The following ZNF471 variants were observed in gnomAD, a reference collection of about 807,000 sequenced individuals.
The protein encoded by ZNF471 is EZFIT-related protein 1.
ZNF471 carries 7 observed loss-of-function variants against 13.7 expected under a neutral mutation model. The observed-to-expected ratio is 0.51, with a 90% CI of 0.29 to 0.96. The LOEUF is 0.96. ZNF471 is among the 40% of genes least tolerant of loss of function. The pLI, the probability that ZNF471 is intolerant of heterozygous loss-of-function variation, is 0.08. For missense variants in ZNF471, 663 were observed against 743.3 expected, an observed-to-expected ratio of 0.89 and a Z score of 1.26; for synonymous variants, 218 against 235.6, an observed-to-expected ratio of 0.93 and a Z score of 0.68.
chr19:56,512,161 TACAA>T (rs1453792505), intron 2 of ZNF471, among the ~76,000 whole-genome samples: 3 of 146,218 alleles, frequency 2.1e-5, no homozygotes, highest in East Asian at 3.9e-4. Context: ...GTACAAAATT[TACAA>T]ACAAATTTCA....
chr19:56,518,544 A>T lies in ZNF471; in HGVS notation c.223A>T (p.Met75Leu). The T allele has an allele frequency of 6.2e-7, 1 of 1,613,718 alleles. No individual in the cohort carries two copies. Among genetic ancestry groups the T allele is most frequent in the Non-Finnish European group, 8.5e-7 (1 of 1,179,862 alleles). The change falls in exon 4 of 5, where the codon ATG (methionine) becomes TTG (leucine). Residue 75 changes from methionine to leucine, a missense_variant. Coordinates refer to ENST00000308031, the MANE Select transcript of ZNF471 (RefSeq NM_020813.4). ...LLEQGREPWE[M>L]TSEMTRSPFS... ...GGAGCAAGGGAGAGAGCCTTGGGAG[A>T]TGACGAGTGAGATGACAAGAAGCCC...
Position 56,524,720 on chromosome 19 carries a change from G to A in ZNF471, c.653G>A (p.Ser218Asn). 6.3e-7 allele frequency: 1 copy of A among 1,598,224 alleles called. No individual in the cohort carries two copies. Among genetic ancestry groups the A allele is most frequent in the Non-Finnish European group, 8.5e-7 (1 of 1,174,828 alleles). Reference sequence around the variant, plus strand: ...GAATGTGACAAAACCTTCACCCATAGCTCATCCCTTACTGTTCATTTTAGA... The same window carrying A: ...GAATGTGACAAAACCTTCACCCATAACTCATCCCTTACTGTTCATTTTAGA... ...CNECDKTFTHSSSLTVHFRIH... is the reference protein window; with the variant it reads ...CNECDKTFTHNSSLTVHFRIH... Residue 218 changes from serine to asparagine, a missense_variant, in exon 5 of 5, where the codon AGC becomes AAC. Physicochemically the swap from Ser to Asn is conservative, Grantham distance 46 (BLOSUM62 1). Coordinates refer to ENST00000308031, the MANE Select transcript of ZNF471 (RefSeq NM_020813.4). This position sits in a 1 kb window ranked among gnomAD's most constrained non-coding sequence, Gnocchi z 4.8.
At position 56,528,604 on chromosome 19, in the gene ZNF471, T is replaced by C. The variant is rs2147935050; in HGVS notation, c.*2656T>C. The C allele has an allele frequency of 6.6e-6, 1 of 152,332 alleles. No individual in the cohort carries two copies. Among genetic ancestry groups the C allele is most frequent in the Non-Finnish European group, 1.5e-5 (1 of 68,030 alleles). 9.4% of individuals were successfully genotyped at this position (152,332 alleles called of 1,614,324 possible). A position where few individuals can be genotyped will look rare whatever the true frequency, so the allele number is the denominator to read the frequency against. On this transcript the variant is annotated 3_prime_UTR_variant, in exon 5 of 5. Transcript: ENST00000308031. ...GTAGTATGCTTAACATTTAATATTA[T>C]AATAAGACATCACAGCGGCTGTCTC...
rs1175787618 is a variant in ZNF471 at position 56,508,863 on chromosome 19, C to G, written c.-56+943C>G. Among the ~76,000 whole-genome samples the G allele has an allele frequency of 6.6e-6, 1 of 151,938 alleles. No homozygotes were observed. Among genetic ancestry groups the G allele is most frequent in the Non-Finnish European group, 1.5e-5 (1 of 67,994 alleles). On this transcript the variant is annotated intron_variant, in intron 1 of 4. Coordinates refer to ENST00000308031, the MANE Select transcript of ZNF471 (RefSeq NM_020813.4). This position sits in a 1 kb window ranked among gnomAD's most constrained non-coding sequence, Gnocchi z 4.7. The stretch of plus-strand genomic sequence containing the variant: ...GAGCACGTGGCTGTGTGTGAAAGAC[C>G]AGTCATTATGTGAGGCTCCTTGAGA...
In ZNF471 at chr19:56,528,986, C is replaced by T. The variant is rs1431864727; in HGVS notation, c.*3038C>T. ...AGGCTAAGTCAACTCTGATATCAAACCAAGGGGAAAGAAATGAAATTATAG... is the reference window on the plus strand; with the variant it reads ...AGGCTAAGTCAACTCTGATATCAAATCAAGGGGAAAGAAATGAAATTATAG... On this transcript the variant is annotated 3_prime_UTR_variant, in exon 5 of 5. Transcript: ENST00000308031. The T allele has an allele frequency of 6.6e-6, 1 of 151,526 alleles. No individual in the cohort carries two copies. Among genetic ancestry groups the T allele is most frequent in the African/African-American group, 2.4e-5 (1 of 41,238 alleles). 9.4% of individuals were successfully genotyped at this position (151,526 alleles called of 1,614,324 possible). A position where few individuals can be genotyped will look rare whatever the true frequency, so the allele number is the denominator to read the frequency against.
chr19:56,523,912 C>T (rs2044008821), intron 4 of ZNF471, among the ~76,000 whole-genome samples: 1 of 152,204 alleles, frequency 6.6e-6, no homozygotes, highest in Non-Finnish European at 1.5e-5. Flanking sequence ...CAGTCTCAAC[C>T]TCCTGGGCTC....
At position 56,524,561 on chromosome 19, in the gene ZNF471, G is replaced by A. The variant is rs1253697463; in HGVS notation, c.494G>A (p.Gly165Glu). The A allele has an allele frequency of 6.3e-7, 1 of 1,596,120 alleles. No individual in the cohort carries two copies. The highest frequency in any genetic ancestry group is 8.5e-7 in the Non-Finnish European group (1 of 1,175,152). ...ACAGAATTCAAATATACTAAATTTG[G>A]GAAATGTATCCATCTGGAAAACATA... is the stretch of plus-strand genomic sequence containing the variant. The part of the protein sequence containing the change: ...KETEFKYTKF[G>E]KCIHLENIEE... Residue 165 changes from glycine to glutamate, a missense_variant, in exon 5 of 5, where the codon GGG (glycine) becomes GAG (glutamate). Gly to Glu is a moderately conservative substitution (Grantham distance 98). Transcript: ENST00000308031. The surrounding 1 kb of genome is among the most constrained non-coding windows in gnomAD (Gnocchi z 4.8).
At chr19:56,509,758 T>C in intron 1 of ZNF471, 1 of 354,528 alleles carries the variant, frequency 2.8e-6, no homozygotes, top group Non-Finnish European at 3.9e-6. Context: ...TGTGTGTAGA[T>C]CCCCACACAT....
chr19:56,519,773 A>G (rs1003680651), intron 4 of ZNF471, among the ~76,000 whole-genome samples: 2 of 152,192 alleles, frequency 1.3e-5, no homozygotes, highest in Non-Finnish European at 2.9e-5. Context: ...ACCACTGTCC[A>G]AAAATATTAA....
chr19:56,515,027 C>G (rs16987296), intron 2 of ZNF471, among the ~76,000 whole-genome samples: 1 of 152,062 alleles, frequency 6.6e-6, no homozygotes, highest in African/African-American at 2.4e-5. Context: ...GAATTACAAG[C>G]TCTTCAGATG....
In ZNF471 at chr19:56,525,431, G is replaced by T; in HGVS notation, c.1364G>T (p.Gly455Val). Residue 455 changes from glycine (G) to valine (V), a missense_variant, in exon 5 of 5, where the codon GGA becomes GTA. Physicochemically the swap from Gly to Val is moderately radical, Grantham distance 109. Transcript: ENST00000308031. Reference protein sequence around the residue: ...SLTQHQRVHSGEKPYECKECG... With the variant: ...SLTQHQRVHSVEKPYECKECG... ...ACTCAGCATCAAAGAGTACATTCTG[G>T]AGAGAAACCGTATGAATGCAAGGAA... 1 of 1,614,170 alleles carries T rather than the reference G, an allele frequency of 6.2e-7. No homozygotes were observed. The highest frequency in any genetic ancestry group is 1.1e-5 in the South Asian group (1 of 91,086).
intron 4 of ZNF471, among the ~76,000 whole-genome samples, chr19:56,520,662 A>G (rs1043420619): frequency 1.3e-5 from 2 of 152,140 alleles, no homozygotes; most frequent in Non-Finnish European, 2.9e-5. Context: ...TTACCTTTAT[A>G]AAAGGCCCAA....
At chr19:56,512,725 C>CA (rs2043828383) in intron 2 of ZNF471, among the ~76,000 whole-genome samples, 1 of 152,034 alleles carries the variant, frequency 6.6e-6, no homozygotes, top group South Asian at 2.1e-4. Context: ...GTATAAGAAA[C>CA]AATGTATAAA....
At chr19:56,521,476 A>C (rs879351369) in intron 4 of ZNF471, among the ~76,000 whole-genome samples, 5 of 151,994 alleles carry the variant, frequency 3.3e-5, no homozygotes, top group Admixed American at 3.3e-4. Context: ...GTCTCTGTTA[A>C]AAATACAAAA....
At position 56,530,080 on chromosome 19, in the gene ZNF471, T is replaced by C. The variant is rs2044090300; in HGVS notation, c.*4132T>C. On this transcript the variant is annotated 3_prime_UTR_variant, in exon 5 of 5. Transcript: ENST00000308031. ...AGTTACAGAAAATCAGTTTAGTAGA[T>C]CACTGTGTAGTTACGGAAAATGAGA... 6.6e-6 allele frequency: 1 copy of C among 152,250 alleles called. No homozygotes were observed. Among genetic ancestry groups the C allele is most frequent in the African/African-American group, 2.4e-5 (1 of 41,466 alleles). 9.4% of individuals were successfully genotyped at this position (152,250 alleles called of 1,614,324 possible). A position where few individuals can be genotyped will look rare whatever the true frequency, so the allele number is the denominator to read the frequency against.
rs970562845 is a variant in ZNF471 at position 56,508,233 on chromosome 19, G to C, written c.-56+313G>C. On this transcript the variant is annotated intron_variant, in intron 1 of 4. Coordinates refer to ENST00000308031, the MANE Select transcript of ZNF471 (RefSeq NM_020813.4). The surrounding 1 kb of genome is among the most constrained non-coding windows in gnomAD (Gnocchi z 4.7). The stretch of plus-strand genomic sequence containing the variant: ...CTCCGTGAGAGGGTGTGGTTTCTGT[G>C]TGTGTGTGTGTGTGTGTGTGACAGA... 1.4e-5 allele frequency: 11 copies of C among 759,936 alleles called. No individual in the cohort carries two copies. In the African/African-American group the frequency reaches 2.2e-4, roughly 15 times the overall value. 47.1% of individuals were successfully genotyped at this position (759,936 alleles called of 1,614,324 possible).
intron 2 of ZNF471, among the ~76,000 whole-genome samples, chr19:56,513,123 A>G (rs1044230806): frequency 6.6e-6 from 1 of 152,116 alleles, no homozygotes. Flanking sequence ...AATTTGCCCT[A>G]TAGAAGTAAG....
At position 56,524,794 on chromosome 19, in the gene ZNF471, T is replaced by A; in HGVS notation, c.727T>A (p.Phe243Ile). The A allele has an allele frequency of 1.2e-6, 2 of 1,613,140 alleles. No individual in the cohort carries two copies. Among genetic ancestry groups the A allele is most frequent in the Non-Finnish European group, 1.7e-6 (2 of 1,179,682 alleles). ...TGCATGTGAGGAATGTGGAAAAGCC[T>A]TCAAGCAAAGGCAACACCTTGCTCA... The part of the protein sequence containing the change: ...PYACEECGKA[F>I]KQRQHLAQHH... The change falls in exon 5 of 5, where the codon TTC becomes ATC. Residue 243 changes from phenylalanine to isoleucine, a missense_variant. Physicochemically the swap from Phe to Ile is conservative, Grantham distance 21. Coordinates refer to ENST00000308031, the MANE Select transcript of ZNF471 (RefSeq NM_020813.4). This position sits in a 1 kb window ranked among gnomAD's most constrained non-coding sequence, Gnocchi z 4.8.
Position 56,524,365 on chromosome 19 carries a change from C to A in ZNF471, c.298C>A (p.Gln100Lys), listed in dbSNP as rs749651755. Residue 100 changes from glutamine (Q) to lysine (K), a missense_variant, in exon 5 of 5, where the codon CAG becomes AAG. Transcript: ENST00000308031. The surrounding 1 kb of genome is among the most constrained non-coding windows in gnomAD (Gnocchi z 4.8). ...IYVTQELPLK[Q>K]FMYDDACMEG... ...TGTGACACAGGAATTACCTCTGAAG[C>A]AGTTCATGTATGATGATGCATGCAT... 6.3e-7 allele frequency: 1 copy of A among 1,589,048 alleles called. No individual in the cohort carries two copies. Among genetic ancestry groups the A allele is most frequent in the East Asian group, 2.2e-5 (1 of 44,642 alleles).
Sources: gnomAD v4.1 joint callset for allele counts (sites outside exome capture counted in the v4.1 genomes callset) on GRCh38, gnomAD v4.1.1 for gene constraint, Gnocchi (gnomAD v3.1) non-coding constraint, MANE v1.5 for transcripts, NCBI Gene and HGNC (gene_info 2026-07-23, HGNC 2026-07-21) for gene names.